SELENOS: variants seen among roughly 807,000 people sequenced by gnomAD.
SELENOS encodes the protein selenoprotein S.
In SELENOS, 37 loss-of-function variants were observed where a neutral mutation model predicts 30.2. The observed-to-expected ratio is 1.23, with a 90% CI of 0.94 to 1.61. The LOEUF (loss-of-function observed/expected upper bound fraction) is 1.61. Ranked by LOEUF, SELENOS falls within the 40% of genes most tolerant of loss-of-function variation. SELENOS has a pLI of 0.00. For synonymous variants in SELENOS, 119 were observed against 91.6 expected, an observed-to-expected ratio of 1.30 and a Z score of -1.71; for missense variants, 289 against 231.8, an observed-to-expected ratio of 1.25 and a Z score of -1.60.
intron 1 of SELENOS, 45 bp from the exon 2 acceptor site, chr15:101,276,720 A>G (rs1308566497): frequency 3.8e-6 from 6 of 1,587,372 alleles, no homozygotes; most frequent in Admixed American, 1.8e-5. Context: ...TGACACTACT[A>G]GTTGACCTTT....
At chr15:101,271,800 T>A (rs2039270806), downstream of SELENOS, among the ~76,000 whole-genome samples, 1 of 152,200 alleles carries the variant, frequency 6.6e-6, no homozygotes, top group South Asian at 2.1e-4. Flanking sequence ...ATCCAGCCCA[T>A]GAGCAGAGAA....
chr15:101,276,114 G>T (rs1431527304), intron 2 of SELENOS, among the ~76,000 whole-genome samples: 1 of 151,694 alleles, frequency 6.6e-6, no homozygotes, highest in African/African-American at 2.4e-5. Context: ...GTAGAGACAG[G>T]GTTTCACCAT....
chr15:101,277,341 C>T lies in SELENOS; in HGVS notation c.76+1G>A. On this transcript the variant is annotated splice_donor_variant, in intron 1 of 5. Transcript: ENST00000526049. LOFTEE classifies it high-confidence loss of function. The stretch of plus-strand genomic sequence containing the variant: ...CGCCCGGCTGCCCCGCAACGACTCA[C>T]CCGTGGTGTGCAGGAAGCGCAGCCC... 1 of 1,516,432 alleles carries T rather than the reference C, an allele frequency of 6.6e-7. No individual in the cohort carries two copies. The highest frequency in any genetic ancestry group is 8.8e-7 in the Non-Finnish European group (1 of 1,139,564). The allele number at this position is 1,516,432 out of a possible 1,614,324, so 93.9% of individuals were successfully genotyped here. A position where few individuals can be genotyped will look rare whatever the true frequency, so the allele number is the denominator to read the frequency against.
At chr15:101,276,421 T>A in intron 2 of SELENOS, 120 bp downstream of exon 2, 3 of 1,331,194 alleles carry the variant, frequency 2.3e-6, no homozygotes, top group South Asian at 1.8e-5. Context: ...GCTATTTTTT[T>A]TTTTTTTAAA....
chr15:101,272,989 A>G, intron 5 of SELENOS, 133 bp from the exon 6 acceptor site: 1 of 754,136 alleles, frequency 1.3e-6, no homozygotes, highest in Non-Finnish European at 2.1e-6. Context: ...GGACATTTAA[A>G]AAAACCTTTT....
Position 101,274,608 on chromosome 15 carries a change from T to G in SELENOS, c.392A>C (p.Asn131Thr). The change falls in exon 4 of 6, where the codon AAT (asparagine) becomes ACT (threonine). Residue 131 changes from asparagine (N) to threonine (T), a missense_variant. Physicochemically the swap from Asn to Thr is moderately conservative, Grantham distance 65 (BLOSUM62 0). Coordinates refer to ENST00000526049, the MANE Select transcript of SELENOS (RefSeq NM_018445.6). ...SMQEGKSYKGNAKKPQEEDSP... is the reference protein window; with the variant it reads ...SMQEGKSYKGTAKKPQEEDSP... ...TCCAGTCACCTGGGGCTTCTTTGCA[T>G]TTCCTTTGTAACTTTTTCCTTCTTG... 6.2e-7 allele frequency: 1 copy of G among 1,613,732 alleles called. No individual in the cohort carries two copies. Among genetic ancestry groups the G allele is most frequent in the Non-Finnish European group, 8.5e-7 (1 of 1,179,816 alleles).
At chr15:101,275,835 T>C (rs990373981) in intron 2 of SELENOS, among the ~76,000 whole-genome samples, 4 of 151,340 alleles carry the variant, frequency 2.6e-5, no homozygotes, top group African/African-American at 4.9e-5. Flanking sequence ...AATAGCATTA[T>C]GAATAGAAAT....
chr15:101,277,089 C>T lies in SELENOS; in HGVS notation c.76+253G>A, dbSNP rs775130714. 1.3e-5 allele frequency: 9 copies of T among 703,140 alleles called. No individual in the cohort carries two copies. In the Middle Eastern group the frequency reaches 1.2e-3, roughly 92 times the overall value. 43.6% of individuals were successfully genotyped at this position (703,140 alleles called of 1,614,324 possible). A position where few individuals can be genotyped will look rare whatever the true frequency, so the allele number is the denominator to read the frequency against. ...ACGGCCGAGTGACCCCAGTAACTAC[C>T]ACAGGAAGGGCTTGGTTCGCAAAAA... On this transcript the variant is annotated intron_variant, in intron 1 of 5. Transcript: ENST00000526049.
At position 101,276,527 on chromosome 15, in the gene SELENOS, T is replaced by C; in HGVS notation, c.211+14A>G. 6.3e-7 allele frequency: 1 copy of C among 1,585,144 alleles called. No individual in the cohort carries two copies. The highest frequency in any genetic ancestry group is 2.2e-5 in the East Asian group (1 of 44,562). On this transcript the variant is annotated intron_variant, in intron 2 of 5. Transcript: ENST00000526049. ...GCAAAACCACCGCTTTCATTTCGGT[T>C]ATCAGGCACTAACCCACAGCAGCCG... is the stretch of plus-strand genomic sequence containing the variant.
At position 101,277,470 on chromosome 15, in the gene SELENOS, C is replaced by A; in HGVS notation, c.-53G>T. 7.2e-7 allele frequency: 1 copy of A among 1,395,662 alleles called. No individual in the cohort carries two copies. The allele number at this position is 1,395,662 out of a possible 1,614,324, so 86.5% of individuals were successfully genotyped here. ...CTGCCGCCGCGCCTCCAGCCGGGCG[C>A]TTCCGGTGCGCTCCTACGCACACGT... On this transcript the variant is annotated 5_prime_UTR_variant, in exon 1 of 6. Coordinates refer to ENST00000526049, the MANE Select transcript of SELENOS (RefSeq NM_018445.6).
intron 2 of SELENOS, chr15:101,276,317 T>C (rs1308032170): frequency 2.8e-6 from 1 of 358,398 alleles, no homozygotes; most frequent in East Asian, 4.9e-5. Context: ...GGCCCGAGCA[T>C]AGCCCACTGC....
Position 101,272,843 on chromosome 15 carries a change from CAACGGGTTATA to C in SELENOS, c.487_497del (p.Tyr163ValfsTer3). 1 of 1,608,102 alleles carries C rather than the reference CAACGGGTTATA, an allele frequency of 6.2e-7. No individual in the cohort carries two copies. The highest frequency in any genetic ancestry group is 8.5e-7 in the Non-Finnish European group (1 of 1,177,344). On this transcript the variant is annotated frameshift_variant and splice_region_variant, in exon 6 of 6. Transcript: ENST00000526049. LOFTEE classifies it high-confidence loss of function. ...AGCAAGCTCCGCCTCCTTCACCAGA[CAACGGGTTATA>C]ACCTGGGAGGACAGAAAAGCAGCAC... is the stretch of plus-strand genomic sequence containing the variant.
At chr15:101,276,835 G>A in intron 1 of SELENOS, 160 bp from the exon 2 acceptor site, 4 of 789,726 alleles carry the variant, frequency 5.1e-6, no homozygotes, top group East Asian at 2.8e-5. Flanking sequence ...ACGAACTCAA[G>A]AAGTGCGACA....
chr15:101,275,485 T>C (rs1000440146), intron 2 of SELENOS, 124 bp from the exon 3 acceptor site: 3 of 793,576 alleles, frequency 3.8e-6, no homozygotes, highest in Non-Finnish European at 3.8e-6. Context: ...AACATATTTT[T>C]ACATAAGTAC....
chr15:101,274,518 G>C (rs376166429), intron 4 of SELENOS, 23 bp from the exon 5 acceptor site: 2 of 1,606,862 alleles, frequency 1.2e-6, no homozygotes, highest in South Asian at 1.1e-5. Context: ...ACACAGTAGT[G>C]TAAGAAGCAA....
chr15:101,273,560 G>A (rs979083832), intron 5 of SELENOS, among the ~76,000 whole-genome samples: 3 of 152,278 alleles, frequency 2.0e-5, no homozygotes, highest in Admixed American at 6.5e-5. Context: ...CATCTTCTAC[G>A]ATTTCCATTC....
chr15:101,274,502 GAACACAC>G lies in SELENOS; in HGVS notation c.409-14_409-8del. Reference sequence around the variant, plus strand: ...GCCCAGGACTGTCTTCCTCCTGTTTGAACACACACAGTAGTGTAAGAAGCAATTAAAA... The same window carrying G: ...GCCCAGGACTGTCTTCCTCCTGTTTGACAGTAGTGTAAGAAGCAATTAAAA... On this transcript the variant is annotated splice_region_variant and splice_polypyrimidine_tract_variant and intron_variant, in intron 4 of 5. Coordinates refer to ENST00000526049, the MANE Select transcript of SELENOS (RefSeq NM_018445.6). 6.2e-7 allele frequency: 1 copy of G among 1,608,070 alleles called. No homozygotes were observed. The highest frequency in any genetic ancestry group is 2.2e-5 in the East Asian group (1 of 44,812).
At chr15:101,271,948 G>A (rs1451898499), downstream of SELENOS, among the ~76,000 whole-genome samples, 3 of 152,208 alleles carry the variant, frequency 2.0e-5, no homozygotes, top group Non-Finnish European at 4.4e-5. Flanking sequence ...GGACAAGAGC[G>A]TAAAAGATGA....
chr15:101,276,433 AGAGACAG>A, intron 2 of SELENOS, 101 bp downstream of exon 2: 1 of 1,297,814 alleles, frequency 7.7e-7, no homozygotes, highest in Non-Finnish European at 1.0e-6. Context: ...TTTTTTAAAT[AGAGACAG>A]GGTCTTCCTG....
Sources: allele counts gnomAD v4.1 joint callset (sites outside exome capture counted in the v4.1 genomes callset), GRCh38; gene constraint gnomAD v4.1.1; transcripts MANE v1.5; gene names NCBI Gene and HGNC (gene_info 2026-07-23, HGNC 2026-07-21).